NT5DC1: variants seen among roughly 807,000 people sequenced by gnomAD.
NT5DC1 encodes the protein 5'-nucleotidase domain containing 1, also known as 5'-nucleotidase domain-containing protein 1.
Under a neutral mutation model 59.4 loss-of-function variants are expected in NT5DC1, and 42 were observed. The ratio of observed to expected loss-of-function variants is 0.71; its 90% CI spans 0.55 to 0.92. The LOEUF (loss-of-function observed/expected upper bound fraction) is 0.92. Among genes scored for constraint, NT5DC1 ranks in the 40% least tolerant of loss-of-function variants. NT5DC1 has a pLI of 0.00. For synonymous variants in NT5DC1, 172 were observed against 188.1 expected, an observed-to-expected ratio of 0.91 and a Z score of 0.70; for missense variants, 501 against 537.1, an observed-to-expected ratio of 0.93 and a Z score of 0.66.
rs76705525 is a variant in NT5DC1 at position 116,100,890 on chromosome 6, C to T, written c.-41C>T. 4.3e-3 allele frequency: 6,502 copies of T among 1,505,072 alleles called. 14 individuals carry two copies. The highest frequency in any genetic ancestry group is 5.0e-3 in the Non-Finnish European group (5,463 of 1,102,940). The allele number at this position is 1,505,072 out of a possible 1,614,324, so 93.2% of individuals were successfully genotyped here. On this transcript the variant is annotated 5_prime_UTR_variant, in exon 1 of 12. Coordinates refer to ENST00000319550, the MANE Select transcript of NT5DC1 (RefSeq NM_152729.3). ...CGTCCCGCCAGCCAGCTCCTTGCAC[C>T]CTTCGCGGCCGAGGCGCTCCCTGGT...
intron 6 of NT5DC1, chr6:116,119,156 A>G (rs1226159533): frequency 1.3e-5 from 2 of 152,632 alleles, no homozygotes; most frequent in Non-Finnish European, 2.9e-5. Context: ...AATAAATAAT[A>G]TATCTCCACT....
At chr6:116,234,616 C>CT (rs773493827) in intron 8 of NT5DC1, among the ~76,000 whole-genome samples, 89 of 152,312 alleles carry the variant, frequency 5.8e-4, no homozygotes, top group Non-Finnish European at 1.1e-3. Context: ...GTTGGGATTA[C>CT]AGGTGTGAGC....
intron 6 of NT5DC1, among the ~76,000 whole-genome samples, chr6:116,183,913 G>A (rs1336951989): frequency 1.3e-5 from 2 of 151,898 alleles, no homozygotes; most frequent in Non-Finnish European, 2.9e-5. Flanking sequence ...CCTGATTGCT[G>A]TGGCTAGGAC....
At chr6:116,155,030 A>C (rs1349717865) in intron 6 of NT5DC1, among the ~76,000 whole-genome samples, 1 of 152,210 alleles carries the variant, frequency 6.6e-6, no homozygotes, top group East Asian at 1.9e-4. Context: ...GTATAACAGA[A>C]TAGAACTTTG....
chr6:116,121,328 A>T (rs200461789), intron 6 of NT5DC1: 1 of 1,613,546 alleles, frequency 6.2e-7, no homozygotes, highest in Non-Finnish European at 8.5e-7. Context: ...TGGCTTTCCA[A>T]TGCCTTCTGG....
In NT5DC1 at chr6:116,221,061, TG is replaced by T; in HGVS notation, c.539del (p.Gly180GlufsTer7). On this transcript the variant is annotated frameshift_variant, in exon 7 of 12. Transcript: ENST00000319550. LOFTEE classifies it high-confidence loss of function. The part of the protein sequence containing the change: ...YKMSAFKENC[G>X]IYFPEIKRDP... Reference sequence around the variant, plus strand: ...GATATTTTTATTTTTCAGAAAACTGTGGAATATATTTTCCAGAAATAAAAAG... The same window carrying T: ...GATATTTTTATTTTTCAGAAAACTGTGAATATATTTTCCAGAAATAAAAAG... The T allele has an allele frequency of 6.9e-7, 1 of 1,452,030 alleles. No individual in the cohort carries two copies. Among genetic ancestry groups the T allele is most frequent in the Non-Finnish European group, 9.5e-7 (1 of 1,048,034 alleles). The allele number at this position is 1,452,030 out of a possible 1,614,324, so 89.9% of individuals were successfully genotyped here.
intron 11 of NT5DC1, among the ~76,000 whole-genome samples, chr6:116,241,939 CAAAACAAAAAAAA>C (rs1771737060): frequency 8.3e-5 from 1 of 12,030 alleles, no homozygotes; most frequent in African/African-American, 3.0e-4. Context: ...AAAAAAAAAA[CAAAACAAAAAAAA>C]AAAAAAACAA....
Position 116,135,872 on chromosome 6 carries a change from T to TATACACACAC in NT5DC1, c.529+17928_529+17929insTACACACACA, listed in dbSNP as rs368675402. Among the ~76,000 whole-genome samples, 72 of 121,270 alleles carry TATACACACAC rather than the reference T, an allele frequency of 5.9e-4. 2 individuals carry two copies. Among genetic ancestry groups the TATACACACAC allele is most frequent in the African/African-American group, 2.4e-3 (67 of 28,394 alleles). 79.6% of individuals were successfully genotyped at this position (121,270 alleles called of 152,430 possible). On this transcript the variant is annotated intron_variant, in intron 6 of 11. Coordinates refer to ENST00000319550, the MANE Select transcript of NT5DC1 (RefSeq NM_152729.3). ...ATATATATATATATATATATATATA[T>TATACACACAC]ACACACATACACACACATTGCTAAA... is the stretch of plus-strand genomic sequence containing the variant.
rs776715742 is a variant in NT5DC1, at chr6:116,110,975, A to C, written c.364+19A>C. ...CGCTCAGGTATGACTCAAATGAGGC[A>C]GCTCCACCATCCGCTCCCTGTTTGT... On this transcript the variant is annotated intron_variant, in intron 4 of 11. Transcript: ENST00000319550. The C allele has an allele frequency of 6.7e-7, 1 of 1,493,288 alleles. No individual in the cohort carries two copies. The highest frequency in any genetic ancestry group is 9.3e-7 in the Non-Finnish European group (1 of 1,069,918). The allele number at this position is 1,493,288 out of a possible 1,614,324, so 92.5% of individuals were successfully genotyped here. A position where few individuals can be genotyped will look rare whatever the true frequency, so the allele number is the denominator to read the frequency against.
At chr6:116,206,537 C>G (rs1405630865) in intron 6 of NT5DC1, among the ~76,000 whole-genome samples, 2 of 151,918 alleles carry the variant, frequency 1.3e-5, no homozygotes, top group Non-Finnish European at 2.9e-5. Flanking sequence ...TGTGTCTACT[C>G]TGGTACAGAA....
chr6:116,158,148 T>C (rs943441409), intron 6 of NT5DC1, among the ~76,000 whole-genome samples: 1 of 152,204 alleles, frequency 6.6e-6, no homozygotes, highest in Admixed American at 6.5e-5. Context: ...ATTACTACAG[T>C]TTTTATTACA....
chr6:116,179,801 A>G (rs1236561077), intron 6 of NT5DC1, among the ~76,000 whole-genome samples: 2 of 152,102 alleles, frequency 1.3e-5, no homozygotes, highest in Non-Finnish European at 2.9e-5. Context: ...AGGATAACTT[A>G]GAGTAATCTT....
At chr6:116,239,446 C>T (rs534193730) in intron 11 of NT5DC1, among the ~76,000 whole-genome samples, 2 of 152,168 alleles carry the variant, frequency 1.3e-5, no homozygotes, top group South Asian at 2.1e-4. Context: ...TTGCTGATTC[C>T]GGAGGCGGCA....
chr6:116,132,474 T>A (rs539709703), intron 6 of NT5DC1, among the ~76,000 whole-genome samples: 1 of 149,512 alleles, frequency 6.7e-6, no homozygotes, highest in African/African-American at 2.5e-5. Flanking sequence ...TGCTTATGAG[T>A]TTTTTTTTTC....
At chr6:116,174,712 C>T (rs1265914744) in intron 6 of NT5DC1, among the ~76,000 whole-genome samples, 1 of 152,118 alleles carries the variant, frequency 6.6e-6, no homozygotes, top group Admixed American at 6.5e-5. Flanking sequence ...CTTTCTAGCT[C>T]TCATAACTTT....
At chr6:116,202,685 A>T (rs73774227) in intron 6 of NT5DC1, among the ~76,000 whole-genome samples, 1,755 of 152,112 alleles carry the variant, frequency 0.012, 34 homozygotes, top group African/African-American at 0.04. Flanking sequence ...GCATTCTGAG[A>T]TTATAGTCTA....
intron 6 of NT5DC1, among the ~76,000 whole-genome samples, chr6:116,133,925 G>T (rs1295721069): frequency 1.3e-5 from 2 of 152,100 alleles, no homozygotes; most frequent in African/African-American, 4.8e-5. Flanking sequence ...ATTAATAGTG[G>T]TTTTTTTCCC....
At chr6:116,236,920 C>T (rs1373139752) in intron 8 of NT5DC1, 46 bp from the exon 9 acceptor site, 1 of 1,249,748 alleles carries the variant, frequency 8.0e-7, no homozygotes, top group Non-Finnish European at 1.2e-6. Context: ...CAACTGGCTA[C>T]TCTCACTTGA....
chr6:116,149,930 A>G (rs910806332), intron 6 of NT5DC1, among the ~76,000 whole-genome samples: 1 of 152,194 alleles, frequency 6.6e-6, no homozygotes, highest in Non-Finnish European at 1.5e-5. Flanking sequence ...CCCCACTCAC[A>G]GGTAGGTAAG....
Sources: allele counts gnomAD v4.1 joint callset (sites outside exome capture counted in the v4.1 genomes callset), GRCh38; gene constraint gnomAD v4.1.1; transcripts MANE v1.5; gene names NCBI Gene and HGNC (gene_info 2026-07-23, HGNC 2026-07-21).